The following EYS variants were observed in gnomAD, a reference collection of about 807,000 sequenced individuals.
EYS encodes EGF-like photoreceptor maintenance factor.
EYS carries 250 observed loss-of-function variants against 282.1 expected under a neutral mutation model. The observed-to-expected ratio is 0.89, with a 90% CI of 0.80 to 0.98. The LOEUF is 0.98. Ranked by LOEUF, EYS falls within the 50% of genes least tolerant of loss-of-function variation. The pLI is 0.00. For synonymous variants in EYS, 1,355 were observed against 1,282.9 expected (o/e 1.06, Z -1.20); for missense variants, 4,016 against 3,709.0 (o/e 1.08, Z -2.15).
intron 30 of EYS, among the ~76,000 whole-genome samples, chr6:64,261,782 A>G (rs1036688782): frequency 9.4e-6 from 1 of 106,802 alleles, no homozygotes; most frequent in Non-Finnish European, 2.0e-5. Context: ...ATATTAGGTT[A>G]TTTTGTTTTT....
chr6:65,634,635 T>G (rs926372416), intron 2 of EYS, among the ~76,000 whole-genome samples: 1 of 152,234 alleles, frequency 6.6e-6, no homozygotes, highest in South Asian at 2.1e-4. Context: ...CTGATCCTCT[T>G]GAAGATTTCC....
At chr6:65,668,846 A>T (rs1768284594) in intron 1 of EYS, among the ~76,000 whole-genome samples, 1 of 151,902 alleles carries the variant, frequency 6.6e-6, no homozygotes, top group South Asian at 2.1e-4. Context: ...CCACAGTGTA[A>T]ATCAGTAGAT....
intron 12 of EYS, among the ~76,000 whole-genome samples, chr6:65,161,142 G>A (rs546844399): frequency 2.0e-5 from 3 of 151,004 alleles, no homozygotes; most frequent in African/African-American, 7.3e-5. Context: ...ATAAGGAGTT[G>A]GCTACTGCTT....
At chr6:64,725,455 A>C (rs1236816844) in intron 22 of EYS, among the ~76,000 whole-genome samples, 1 of 152,122 alleles carries the variant, frequency 6.6e-6, no homozygotes, top group Non-Finnish European at 1.5e-5. Context: ...GACTCAGAGA[A>C]GCAATGATTT....
At chr6:65,120,392 G>A (rs966925157) in intron 12 of EYS, among the ~76,000 whole-genome samples, 1 of 139,914 alleles carries the variant, frequency 7.1e-6, no homozygotes, top group African/African-American at 2.7e-5. Flanking sequence ...CATCACATAT[G>A]TCAGAGACAA....
intron 35 of EYS, among the ~76,000 whole-genome samples, chr6:63,965,708 A>G (rs2149779211): frequency 6.6e-6 from 1 of 152,344 alleles, no homozygotes; most frequent in African/African-American, 2.4e-5. Context: ...CCTGATTTTC[A>G]TAAAAACATA....
chr6:64,965,422 ATT>A (rs1388308159), intron 14 of EYS, among the ~76,000 whole-genome samples: 1 of 151,920 alleles, frequency 6.6e-6, no homozygotes, highest in Non-Finnish European at 1.5e-5. Context: ...TATATATTTT[ATT>A]TTTTACATAT....
intron 15 of EYS, among the ~76,000 whole-genome samples, chr6:64,921,062 T>A (rs1211037714): frequency 6.6e-6 from 1 of 152,124 alleles, no homozygotes; most frequent in Non-Finnish European, 1.5e-5. Context: ...AAATAGTCTT[T>A]GTTTTTTTGT....
At chr6:64,877,842 G>A (rs1459528931) in intron 19 of EYS, among the ~76,000 whole-genome samples, 1 of 152,122 alleles carries the variant, frequency 6.6e-6, no homozygotes, top group African/African-American at 2.4e-5. Flanking sequence ...ACAAAATGAG[G>A]AAAAGGTAAA....
chr6:64,556,172 G>A lies in EYS; in HGVS notation c.5644+34051C>T, dbSNP rs976425347. ...AAATAAAAATATTTGTCTTCACAGA[G>A]ACGTATGCATAAATGTTTATAGCAA... On this transcript the variant is annotated intron_variant, in intron 26 of 42. Transcript: ENST00000503581. Among the ~76,000 whole-genome samples, 3 of 151,860 alleles carry A rather than the reference G, an allele frequency of 2.0e-5. No homozygotes were observed. In the East Asian group the frequency reaches 5.8e-4, roughly 29 times the overall value.
chr6:64,534,269 T>C (rs1216227071), intron 26 of EYS, among the ~76,000 whole-genome samples: 2 of 151,992 alleles, frequency 1.3e-5, no homozygotes, highest in East Asian at 3.8e-4. Flanking sequence ...TTTCAAGGCA[T>C]TTAAATTAGC....
At chr6:64,413,486 T>C (rs1582721899) in intron 28 of EYS, among the ~76,000 whole-genome samples, 1 of 151,402 alleles carries the variant, frequency 6.6e-6, no homozygotes, top group East Asian at 2.0e-4. Flanking sequence ...TGTAATTGAA[T>C]AATATCCTCA....
chr6:64,221,074 G>A (rs186132545), intron 31 of EYS, among the ~76,000 whole-genome samples: 1 of 152,104 alleles, frequency 6.6e-6, no homozygotes, highest in Admixed American at 6.6e-5. Flanking sequence ...TCACAGAATT[G>A]GTGTGTGGAA....
chr6:64,360,007 C>G (rs1181238362), intron 29 of EYS, among the ~76,000 whole-genome samples: 1 of 151,652 alleles, frequency 6.6e-6, no homozygotes, highest in Non-Finnish European at 1.5e-5. Context: ...TAACCTTCCT[C>G]AAATGGTTTC....
chr6:64,102,904 A>G (rs546918741), intron 31 of EYS, among the ~76,000 whole-genome samples: 1 of 151,396 alleles, frequency 6.6e-6, no homozygotes, highest in East Asian at 1.9e-4. Flanking sequence ...CTTTTTTTTC[A>G]TGACTTCAAA....
chr6:65,519,701 TA>T (rs1424394033), intron 2 of EYS, among the ~76,000 whole-genome samples: 19 of 47,624 alleles, frequency 4.0e-4, no homozygotes, highest in East Asian at 2.3e-3. Flanking sequence ...TATATATATA[TA>T]TATATATTTT....
chr6:65,113,337 TA>T (rs1331441969), intron 12 of EYS, among the ~76,000 whole-genome samples: 3 of 151,992 alleles, frequency 2.0e-5, no homozygotes, highest in African/African-American at 7.2e-5. Context: ...TGACAATCTA[TA>T]TGATGAGTAG....
At chr6:64,860,404 G>A (rs548762371) in intron 19 of EYS, among the ~76,000 whole-genome samples, 14 of 152,332 alleles carry the variant, frequency 9.2e-5, no homozygotes, top group African/African-American at 3.1e-4. Flanking sequence ...GTGGGGTCGG[G>A]CCACTGCACA....
intron 11 of EYS, chr6:65,301,002 A>G (rs1768805204): frequency 6.6e-6 from 1 of 152,146 alleles, no homozygotes; most frequent in Non-Finnish European, 1.5e-5. Flanking sequence ...GCTTTCAACC[A>G]ATTCTTTGAT....
Sources: allele counts gnomAD v4.1 joint callset (sites outside exome capture counted in the v4.1 genomes callset), GRCh38; gene constraint gnomAD v4.1.1; transcripts MANE v1.5; gene names NCBI Gene and HGNC (gene_info 2026-07-23, HGNC 2026-07-21).